Variants in CUX2 observed in about 807,000 individuals in gnomAD.
CUX2 encodes homeobox protein cut-like 2.
In CUX2, 40 loss-of-function variants were observed where a neutral mutation model predicts 144.8. The ratio of observed to expected loss-of-function variants is 0.28; its 90% CI spans 0.21 to 0.36. The LOEUF is 0.36. Ranked by LOEUF, CUX2 falls within the 10% of genes least tolerant of loss-of-function variation. The pLI, the probability that CUX2 is intolerant of heterozygous loss-of-function variation, is 1.00. For synonymous variants in CUX2, 827 were observed against 875.6 expected, an observed-to-expected ratio of 0.94 and a Z score of 0.98; for missense variants, 1,615 against 1,994.0, an observed-to-expected ratio of 0.81 and a Z score of 3.62.
chr12:111,322,680 C>T lies in CUX2; in HGVS notation c.2926+100C>T. 1 of 1,428,278 alleles carries T rather than the reference C, an allele frequency of 7.0e-7. No individual in the cohort carries two copies. Among genetic ancestry groups the T allele is most frequent in the African/African-American group, 1.4e-5 (1 of 71,354 alleles). The allele number at this position is 1,428,278 out of a possible 1,614,324, so 88.5% of individuals were successfully genotyped here. Reference sequence around the variant, plus strand: ...TACTGCCCGAGTCTACCTATCTCTCCCTCCCTGCTGCCCTGGCTTTCATCC... The same window carrying T: ...TACTGCCCGAGTCTACCTATCTCTCTCTCCCTGCTGCCCTGGCTTTCATCC... On this transcript the variant is annotated intron_variant, in intron 18 of 21. Transcript: ENST00000261726. This position sits in a 1 kb window ranked among gnomAD's most constrained non-coding sequence, Gnocchi z 4.2.
chr12:111,040,402 C>G (rs1333567669), intron 1 of CUX2, among the ~76,000 whole-genome samples: 1 of 152,104 alleles, frequency 6.6e-6, no homozygotes, highest in Non-Finnish European at 1.5e-5. Context: ...CTGGCTCCCT[C>G]TCCAACCACT....
intron 1 of CUX2, among the ~76,000 whole-genome samples, chr12:111,097,081 C>T (rs1415748574): frequency 6.6e-6 from 1 of 152,214 alleles, no homozygotes; most frequent in Admixed American, 6.5e-5. Context: ...AAAAGCAGAG[C>T]CTTGCCAACA....
At chr12:111,219,842 A>G (rs1208087163) in intron 3 of CUX2, among the ~76,000 whole-genome samples, 2 of 152,158 alleles carry the variant, frequency 1.3e-5, no homozygotes, top group African/African-American at 4.8e-5. Flanking sequence ...TGTAAAATGG[A>G]ATAATAATTA....
intron 4 of CUX2, among the ~76,000 whole-genome samples, chr12:111,266,329 T>C (rs1456140311): frequency 6.6e-6 from 1 of 151,798 alleles, no homozygotes; most frequent in Non-Finnish European, 1.5e-5. Flanking sequence ...ATACAAAAAT[T>C]AGCCAGGTGT....
At chr12:111,302,678 T>C (rs1163428146) in intron 9 of CUX2, among the ~76,000 whole-genome samples, 1 of 151,730 alleles carries the variant, frequency 6.6e-6, no homozygotes, top group Admixed American at 6.6e-5. Context: ...GGTGGGTGGA[T>C]TGCTTAAGCC....
At chr12:111,200,613 A>G (rs12319398) in intron 1 of CUX2, among the ~76,000 whole-genome samples, 3,022 of 152,112 alleles carry the variant, frequency 0.02, 93 homozygotes, top group African/African-American at 0.069. Flanking sequence ...GCCAGCCCCC[A>G]TTCAATCCAG....
chr12:111,043,418 A>G (rs1445463827), intron 1 of CUX2, among the ~76,000 whole-genome samples: 1 of 152,114 alleles, frequency 6.6e-6, no homozygotes, highest in African/African-American at 2.4e-5. Flanking sequence ...AACTGAAGAA[A>G]GCAGTATGGC....
At position 111,312,260 on chromosome 12, in the gene CUX2, A is replaced by T; in HGVS notation, c.2002+59A>T. 6.9e-7 allele frequency: 1 copy of T among 1,450,518 alleles called. No individual in the cohort carries two copies. The highest frequency in any genetic ancestry group is 1.2e-5 in the South Asian group (1 of 82,078). 89.9% of individuals were successfully genotyped at this position (1,450,518 alleles called of 1,614,324 possible). ...CCCCGGGGCCAGCTGCGAACAGGAG[A>T]TGAGGCTTCGTCTACCTTTGTCCAC... On this transcript the variant is annotated intron_variant, in intron 16 of 21. Coordinates refer to ENST00000261726, the MANE Select transcript of CUX2 (RefSeq NM_015267.4). The surrounding 1 kb of genome is among the most constrained non-coding windows in gnomAD (Gnocchi z 4.3).
Position 111,304,240 on chromosome 12 carries a change from A to G in CUX2, c.784A>G (p.Ser262Gly). 1 of 1,613,870 alleles carries G rather than the reference A, an allele frequency of 6.2e-7. No homozygotes were observed. Among genetic ancestry groups the G allele is most frequent in the Non-Finnish European group, 8.5e-7 (1 of 1,179,924 alleles). Reference sequence around the variant, plus strand: ...TGAGGCTGCCCAGCGGGAGGTGGAAAGTCTCCGGGAACAGCTGGCCTCTGT... The same window carrying G: ...TGAGGCTGCCCAGCGGGAGGTGGAAGGTCTCCGGGAACAGCTGGCCTCTGT... ...RAEAAQREVESLREQLASVNS... is the reference protein window; with the variant it reads ...RAEAAQREVEGLREQLASVNS... The change falls in exon 10 of 22, where the codon AGT (serine) becomes GGT (glycine). Residue 262 changes from serine to glycine, a missense_variant. Physicochemically the swap from Ser to Gly is moderately conservative, Grantham distance 56. Coordinates refer to ENST00000261726, the MANE Select transcript of CUX2 (RefSeq NM_015267.4). This position sits in a 1 kb window ranked among gnomAD's most constrained non-coding sequence, Gnocchi z 4.7.
At chr12:111,084,035 G>A (rs1872052979) in intron 1 of CUX2, among the ~76,000 whole-genome samples, 1 of 152,186 alleles carries the variant, frequency 6.6e-6, no homozygotes, top group Non-Finnish European at 1.5e-5. Flanking sequence ...GCTGAGGACG[G>A]AAGGATGAGT....
intron 1 of CUX2, among the ~76,000 whole-genome samples, chr12:111,203,690 G>T (rs1479714062): frequency 6.6e-6 from 1 of 152,152 alleles, no homozygotes; most frequent in African/African-American, 2.4e-5. Context: ...CCATGGAAGG[G>T]TTTTGAGCAG....
chr12:111,181,122 G>A (rs956037803), intron 1 of CUX2, among the ~76,000 whole-genome samples: 1 of 152,234 alleles, frequency 6.6e-6, no homozygotes, highest in African/African-American at 2.4e-5. Flanking sequence ...GGAATATTCC[G>A]CGGGGCCGCC....
intron 1 of CUX2, among the ~76,000 whole-genome samples, chr12:111,197,110 C>T (rs1880287191): frequency 6.6e-6 from 1 of 152,128 alleles, no homozygotes; most frequent in African/African-American, 2.4e-5. Context: ...CCTGTTGCTT[C>T]CCAAGCCTGA....
chr12:111,345,375 G>A (rs28877654), intron 21 of CUX2, among the ~76,000 whole-genome samples: 9 of 147,878 alleles, frequency 6.1e-5, no homozygotes, highest in African/African-American at 1.3e-4. Context: ...CCCAGGAGGC[G>A]GAGGTTGCAG....
intron 1 of CUX2, among the ~76,000 whole-genome samples, chr12:111,200,379 G>A (rs1486510475): frequency 6.6e-6 from 1 of 151,698 alleles, no homozygotes; most frequent in Non-Finnish European, 1.5e-5. Context: ...TTTTTTTTAG[G>A]TTGTGTTTTT....
Position 111,322,632 on chromosome 12 carries a change from GC to G in CUX2, c.2926+53del. On this transcript the variant is annotated intron_variant, in intron 18 of 21. Transcript: ENST00000261726. This position sits in a 1 kb window ranked among gnomAD's most constrained non-coding sequence, Gnocchi z 4.2. ...GGGTGCTGGCAAACTTCCCACCTGC[GC>G]AGTGGCATGTCCGCCTGGCTTTACT... The G allele has an allele frequency of 6.3e-7, 1 of 1,580,894 alleles. No individual in the cohort carries two copies. Among genetic ancestry groups the G allele is most frequent in the East Asian group, 2.3e-5 (1 of 44,288 alleles).
At chr12:111,120,641 C>A (rs138476490) in intron 1 of CUX2, among the ~76,000 whole-genome samples, 3 of 150,476 alleles carry the variant, frequency 2.0e-5, no homozygotes, top group African/African-American at 7.3e-5. Flanking sequence ...CTCTGGAGAC[C>A]TGCTGAATAA....
intron 4 of CUX2, among the ~76,000 whole-genome samples, chr12:111,269,381 C>T (rs1170795223): frequency 6.6e-6 from 1 of 152,190 alleles, no homozygotes; most frequent in Non-Finnish European, 1.5e-5. Flanking sequence ...CTTCCATGCA[C>T]ATCTTGTGTT....
chr12:111,201,803 T>G (rs1378115617), intron 1 of CUX2, among the ~76,000 whole-genome samples: 2 of 152,010 alleles, frequency 1.3e-5, no homozygotes, highest in Admixed American at 1.3e-4. Flanking sequence ...CTGCAAGAAA[T>G]GAGTTAGAGA....
Sources: allele counts gnomAD v4.1 joint callset (sites outside exome capture counted in the v4.1 genomes callset), GRCh38; gene constraint gnomAD v4.1.1; non-coding constraint Gnocchi (gnomAD v3.1); transcripts MANE v1.5; gene names NCBI Gene and HGNC (gene_info 2026-07-23, HGNC 2026-07-21).